B3GALT1: variants seen among roughly 807,000 people sequenced by gnomAD.
B3GALT1 encodes UDP-Gal:betaGlcNAc beta 1,3-galactosyltransferase, polypeptide 1.
Under a neutral mutation model 23.2 loss-of-function variants are expected in B3GALT1, and 10 were observed. The observed-to-expected ratio is 0.43, with a 90% CI of 0.27 to 0.73. The LOEUF (loss-of-function observed/expected upper bound fraction) is 0.73. Ranked by LOEUF, B3GALT1 falls within the 30% of genes least tolerant of loss-of-function variation. B3GALT1 has a pLI of 0.21. For missense variants in B3GALT1, 299 were observed against 405.4 expected, an observed-to-expected ratio of 0.74 and a Z score of 2.25; for synonymous variants, 156 against 141.5, an observed-to-expected ratio of 1.10 and a Z score of -0.73.
At chr2:167,363,502 C>T (rs1398362917) in intron 1 of B3GALT1, among the ~76,000 whole-genome samples, 1 of 152,034 alleles carries the variant, frequency 6.6e-6, no homozygotes, top group Non-Finnish European at 1.5e-5. Flanking sequence ...GTAAATCGTC[C>T]AGTACATCTC....
chr2:167,867,943 C>A (rs1411534017), intron 4 of B3GALT1, among the ~76,000 whole-genome samples: 1 of 152,072 alleles, frequency 6.6e-6, no homozygotes, highest in Non-Finnish European at 1.5e-5. Context: ...ATCTGTGGCC[C>A]CCAAACTCAA....
At chr2:167,372,093 TG>T (rs2105270302) in intron 1 of B3GALT1, among the ~76,000 whole-genome samples, 1 of 152,036 alleles carries the variant, frequency 6.6e-6, no homozygotes, top group African/African-American at 2.4e-5. Flanking sequence ...ACATTTGAGT[TG>T]CTATTGGCTA....
chr2:167,364,971 G>A (rs1478385), intron 1 of B3GALT1, among the ~76,000 whole-genome samples: 126,155 of 152,154 alleles, frequency 0.83, 53,456 homozygotes, highest in East Asian at 0.94. Context: ...ATGATTTATT[G>A]GTAGGTGGAC....
chr2:167,297,543 G>A (rs62197397), intron 1 of B3GALT1, among the ~76,000 whole-genome samples: 17 of 152,026 alleles, frequency 1.1e-4, no homozygotes, highest in Non-Finnish European at 1.9e-4. Context: ...ATAGATTTGC[G>A]TATGCAGTCA....
At chr2:167,765,295 C>A (rs1687960270) in intron 3 of B3GALT1, among the ~76,000 whole-genome samples, 1 of 152,052 alleles carries the variant, frequency 6.6e-6, no homozygotes, top group South Asian at 2.1e-4. Flanking sequence ...TACGTGTATA[C>A]AAACAACAAT....
At chr2:167,631,718 T>C (rs1388278480) in intron 2 of B3GALT1, among the ~76,000 whole-genome samples, 2 of 150,028 alleles carry the variant, frequency 1.3e-5, no homozygotes, top group East Asian at 2.0e-4. Context: ...TAACTACAAA[T>C]ACTAGCTTTC....
chr2:167,318,533 GA>G (rs141670651), intron 1 of B3GALT1, among the ~76,000 whole-genome samples: 161 of 149,954 alleles, frequency 1.1e-3, no homozygotes, highest in African/African-American at 3.5e-3. Flanking sequence ...AGGAGGGAAG[GA>G]AAAAAAAATC....
At chr2:167,463,342 C>T (rs2105326772) in intron 1 of B3GALT1, among the ~76,000 whole-genome samples, 1 of 152,130 alleles carries the variant, frequency 6.6e-6, no homozygotes, top group South Asian at 2.1e-4. Flanking sequence ...GTAAGGTTCT[C>T]CACGTGAGTC....
chr2:167,614,326 A>G (rs1050715597), intron 2 of B3GALT1, among the ~76,000 whole-genome samples: 1 of 151,512 alleles, frequency 6.6e-6, no homozygotes, highest in Admixed American at 6.6e-5. Context: ...CATATGAAAA[A>G]CCTAGGAAGA....
intron 3 of B3GALT1, among the ~76,000 whole-genome samples, chr2:167,655,132 G>C (rs1190195701): frequency 6.6e-6 from 1 of 151,980 alleles, no homozygotes; most frequent in African/African-American, 2.4e-5. Context: ...TACTTAATGA[G>C]ATACACAAAT....
chr2:167,758,209 C>G (rs1436156019), intron 3 of B3GALT1, among the ~76,000 whole-genome samples: 1 of 152,058 alleles, frequency 6.6e-6, no homozygotes, highest in African/African-American at 2.4e-5. Flanking sequence ...CCAGGAGTCT[C>G]TTTTAGAGAG....
chr2:167,378,096 A>C (rs1697792723), intron 1 of B3GALT1, among the ~76,000 whole-genome samples: 1 of 152,176 alleles, frequency 6.6e-6, no homozygotes. Context: ...GTTTGGCAGG[A>C]TATGAAGTTC....
chr2:167,553,695 G>T (rs1433328897), intron 2 of B3GALT1, among the ~76,000 whole-genome samples: 5 of 152,144 alleles, frequency 3.3e-5, no homozygotes, highest in Non-Finnish European at 7.4e-5. Context: ...TCCCACCATG[G>T]TTCATTTTTC....
chr2:167,519,208 T>C (rs1700149620), intron 2 of B3GALT1, among the ~76,000 whole-genome samples: 1 of 152,152 alleles, frequency 6.6e-6, no homozygotes, highest in African/African-American at 2.4e-5. Flanking sequence ...CTCCTTTAGC[T>C]CCATGCCATT....
intron 2 of B3GALT1, among the ~76,000 whole-genome samples, chr2:167,594,445 A>G (rs969268823): frequency 6.6e-6 from 1 of 152,224 alleles, no homozygotes; most frequent in African/African-American, 2.4e-5. Context: ...TAAATACACC[A>G]TACAGTAAAA....
intron 2 of B3GALT1, among the ~76,000 whole-genome samples, chr2:167,569,633 C>T (rs1684254806): frequency 6.6e-6 from 1 of 151,804 alleles, no homozygotes; most frequent in African/African-American, 2.4e-5. Flanking sequence ...TCTTCCTTCC[C>T]AATCTGTATA....
At chr2:167,394,980 A>AT (rs1236182990) in intron 1 of B3GALT1, among the ~76,000 whole-genome samples, 1 of 152,146 alleles carries the variant, frequency 6.6e-6, no homozygotes, top group Admixed American at 6.5e-5. Flanking sequence ...TGGAGGAAGA[A>AT]TTTTGCCCCT....
intron 2 of B3GALT1, among the ~76,000 whole-genome samples, chr2:167,576,784 T>C (rs193083495): frequency 6.6e-6 from 1 of 151,864 alleles, no homozygotes; most frequent in Admixed American, 6.6e-5. Flanking sequence ...GTTCCAACTC[T>C]GCCTATTCAC....
chr2:167,364,669 C>A (rs1359915927), intron 1 of B3GALT1, among the ~76,000 whole-genome samples: 2 of 152,162 alleles, frequency 1.3e-5, no homozygotes, highest in African/African-American at 4.8e-5. Flanking sequence ...AACATGAACT[C>A]ATCCTTTTTT....
Sources: gnomAD v4.1 joint callset for allele counts (sites outside exome capture counted in the v4.1 genomes callset) on GRCh38, gnomAD v4.1.1 for gene constraint, MANE v1.5 for transcripts, NCBI Gene and HGNC (gene_info 2026-07-23, HGNC 2026-07-21) for gene names.